The following INPP4A variants were observed in gnomAD, a reference collection of about 807,000 sequenced individuals.
INPP4A encodes the protein inositol polyphosphate-4-phosphatase type I A, also known as inositol polyphosphate-4-phosphatase, type I, 107kD.
INPP4A carries 33 observed loss-of-function variants against 119.8 expected under a neutral mutation model. The observed-to-expected ratio is 0.28, with a 90% CI of 0.21 to 0.37. The LOEUF (loss-of-function observed/expected upper bound fraction) is 0.37. Ranked by LOEUF, INPP4A falls within the 10% of genes least tolerant of loss-of-function variation. The pLI is 1.00. For synonymous variants in INPP4A, 496 were observed against 500.7 expected (o/e 0.99, Z 0.12); for missense variants, 956 against 1,289.9 (o/e 0.74, Z 3.97).
In INPP4A at chr2:98,539,113, C is replaced by T. The variant is rs1690895817; in HGVS notation, c.670+132C>T. ...TAATTGTCACCTCTCTGCTGCTTAT[C>T]ATTGTGTTCTTTTTGCAGCATATAA... On this transcript the variant is annotated intron_variant, in intron 9 of 24. Coordinates refer to ENST00000409851, the MANE Select transcript of INPP4A (RefSeq NM_001134225.2). The T allele has an allele frequency of 4.2e-5, 24 of 566,560 alleles. No homozygotes were observed. The South Asian group carries it at 6.5e-4, about 15-fold the overall frequency. 35.1% of individuals were successfully genotyped at this position (566,560 alleles called of 1,614,324 possible). A position where few individuals can be genotyped will look rare whatever the true frequency, so the allele number is the denominator to read the frequency against.
At chr2:98,563,174 C>T (rs1257199192) in intron 17 of INPP4A, among the ~76,000 whole-genome samples, 8 of 152,040 alleles carry the variant, frequency 5.3e-5, no homozygotes, top group South Asian at 2.1e-4. Flanking sequence ...TGTTTTCCTC[C>T]GAAGGCATTG....
At chr2:98,445,245 T>C (rs1318440662) in intron 1 of INPP4A, among the ~76,000 whole-genome samples, 160 bp downstream of exon 1, 1 of 152,086 alleles carries the variant, frequency 6.6e-6, no homozygotes, top group East Asian at 1.9e-4. Context: ...GTGCCAGTGG[T>C]CCACCTGCGG....
chr2:98,469,584 C>T (rs1157010439), intron 1 of INPP4A, among the ~76,000 whole-genome samples: 1 of 151,888 alleles, frequency 6.6e-6, no homozygotes, highest in Admixed American at 6.6e-5. Context: ...AGGCAGATCA[C>T]CTGAGGTCAG....
rs374707579 is a variant in INPP4A, at chr2:98,446,070, T to C, written c.-166+985T>C. On this transcript the variant is annotated intron_variant, in intron 1 of 24. Transcript: ENST00000409851. Reference sequence around the variant, plus strand: ...GTTGTGTGGACCATGGGGAAGCCAGTGGGGTTGAGGACAGAGTGGGTTGAC... The same window carrying C: ...GTTGTGTGGACCATGGGGAAGCCAGCGGGGTTGAGGACAGAGTGGGTTGAC... 2.6e-4 allele frequency among the ~76,000 whole-genome samples: 40 copies of C among 152,278 alleles called. No individual in the cohort carries two copies. The East Asian group carries it at 6.8e-3, about 26-fold the overall frequency.
At chr2:98,500,852 A>G (rs1049448999) in intron 1 of INPP4A, among the ~76,000 whole-genome samples, 1 of 152,220 alleles carries the variant, frequency 6.6e-6, no homozygotes, top group African/African-American at 2.4e-5. Context: ...AGATGGGCCT[A>G]GAAGGTTCAG....
At chr2:98,493,426 A>AT (rs371958433) in intron 1 of INPP4A, among the ~76,000 whole-genome samples, 45,321 of 123,016 alleles carry the variant, frequency 0.37, 9,163 homozygotes, top group Non-Finnish European at 0.46. Flanking sequence ...TTCTATTTCT[A>AT]TTTTTTTTTT....
chr2:98,455,209 A>G lies in INPP4A; in HGVS notation c.-166+10124A>G, dbSNP rs147045914. Among the ~76,000 whole-genome samples the G allele has an allele frequency of 3.7e-3, 566 of 152,250 alleles. 5 individuals carry two copies. Among genetic ancestry groups the G allele is most frequent in the African/African-American group, 0.013 (547 of 41,518 alleles). ...AAAAATTAGCCAGGTATAGTAGTGC[A>G]CACCTATATTCCCAGCTTCTTGGGA... On this transcript the variant is annotated intron_variant, in intron 1 of 24. Coordinates refer to ENST00000409851, the MANE Select transcript of INPP4A (RefSeq NM_001134225.2).
chr2:98,467,219 G>A (rs1674972199), intron 1 of INPP4A, among the ~76,000 whole-genome samples: 1 of 152,154 alleles, frequency 6.6e-6, no homozygotes, highest in Non-Finnish European at 1.5e-5. Flanking sequence ...CTCAAAGCGG[G>A]GGGTGGTTGG....
rs374359971 is a variant in INPP4A at position 98,554,378 on chromosome 2, G to A, written c.1455G>A (p.Ser485=). 12 of 1,613,726 alleles carry A rather than the reference G, an allele frequency of 7.4e-6. No individual in the cohort carries two copies. The highest frequency in any genetic ancestry group is 2.2e-5 in the East Asian group (1 of 44,878). Residue 485 remains serine (S), a synonymous_variant, in exon 15 of 25, where the codon TCG becomes TCA. Transcript: ENST00000409851. This position sits in a 1 kb window ranked among gnomAD's most constrained non-coding sequence, Gnocchi z 4.7. ...DYIASKASPT[S]TEEEQVMLRN... is the part of the protein sequence containing the mutation. Reference sequence around the variant, plus strand: ...TTGCCTCCAAGGCCTCTCCCACTTCGACTGAGGAGGAGCAGGTGATGCTTA... The same window carrying A: ...TTGCCTCCAAGGCCTCTCCCACTTCAACTGAGGAGGAGCAGGTGATGCTTA...
At chr2:98,561,862 C>G (rs1346985254) in intron 17 of INPP4A, among the ~76,000 whole-genome samples, 1 of 152,218 alleles carries the variant, frequency 6.6e-6, no homozygotes, top group Non-Finnish European at 1.5e-5. Context: ...GCGAGAAAAA[C>G]TTGTTTGCCT....
Position 98,554,566 on chromosome 2 carries a change from C to T in INPP4A, c.1566+77C>T. The T allele has an allele frequency of 7.7e-7, 1 of 1,304,886 alleles. No homozygotes were observed. Among genetic ancestry groups the T allele is most frequent in the South Asian group, 1.4e-5 (1 of 72,158 alleles). The allele number at this position is 1,304,886 out of a possible 1,614,324, so 80.8% of individuals were successfully genotyped here. A position where few individuals can be genotyped will look rare whatever the true frequency, so the allele number is the denominator to read the frequency against. On this transcript the variant is annotated intron_variant, in intron 15 of 24. Coordinates refer to ENST00000409851, the MANE Select transcript of INPP4A (RefSeq NM_001134225.2). This position sits in a 1 kb window ranked among gnomAD's most constrained non-coding sequence, Gnocchi z 4.7. Reference sequence around the variant, plus strand: ...CACAAAACCTGTTGCCAGTCTCTGCCCCTCTGAAGTGCCTCAAGGTTCAAC... The same window carrying T: ...CACAAAACCTGTTGCCAGTCTCTGCTCCTCTGAAGTGCCTCAAGGTTCAAC...
intron 1 of INPP4A, among the ~76,000 whole-genome samples, chr2:98,475,975 G>T (rs1402325690): frequency 6.6e-6 from 1 of 152,112 alleles, no homozygotes; most frequent in Non-Finnish European, 1.5e-5. Context: ...CCACCCACAG[G>T]TAATCCAGAT....
chr2:98,452,443 T>C (rs1051014180), intron 1 of INPP4A, among the ~76,000 whole-genome samples: 1 of 152,182 alleles, frequency 6.6e-6, no homozygotes, highest in Non-Finnish European at 1.5e-5. Flanking sequence ...CAAGGTCACA[T>C]TGGAGAACAG....
intron 1 of INPP4A, among the ~76,000 whole-genome samples, chr2:98,480,130 A>G (rs1263423454): frequency 6.6e-6 from 1 of 152,212 alleles, no homozygotes; most frequent in Non-Finnish European, 1.5e-5. Context: ...CCTCCCTGCC[A>G]GCCCCAGAGG....
At position 98,555,789 on chromosome 2, in the gene INPP4A, C is replaced by T. The variant is rs753017989; in HGVS notation, c.1803C>T (p.Cys601=). 11 of 1,564,544 alleles carry T rather than the reference C, an allele frequency of 7.0e-6. No homozygotes were observed. In the South Asian group the frequency reaches 1.1e-4, roughly 15 times the overall value. The change falls in exon 16 of 25, where the codon TGC becomes TGT. Residue 601 remains cysteine, a synonymous_variant. Transcript: ENST00000409851. ...PCPSTMPSTA[C]HPHLTTHCSP... ...CCTCCACCATGCCCTCCACTGCATG[C>T]CATCCTCATCTGACCACACGTGCGT...
chr2:98,585,903 G>T (rs1324801120), intron 24 of INPP4A, among the ~76,000 whole-genome samples: 1 of 152,174 alleles, frequency 6.6e-6, no homozygotes, highest in East Asian at 1.9e-4. Context: ...AGTGACAGGT[G>T]GTTTTTAAGC....
chr2:98,528,539 T>A (rs1688597323), intron 4 of INPP4A, among the ~76,000 whole-genome samples: 1 of 152,134 alleles, frequency 6.6e-6, no homozygotes, highest in Non-Finnish European at 1.5e-5. Flanking sequence ...AAAACATGAA[T>A]CTACATATCC....
At chr2:98,509,659 C>T (rs1361832977) in intron 1 of INPP4A, among the ~76,000 whole-genome samples, 1 of 152,110 alleles carries the variant, frequency 6.6e-6, no homozygotes, top group African/African-American at 2.4e-5. Flanking sequence ...AGATCCCCGC[C>T]CACCCCAGGC....
At position 98,539,692 on chromosome 2, in the gene INPP4A, G is replaced by T; in HGVS notation, c.818+17G>T. 2 of 1,597,468 alleles carry T rather than the reference G, an allele frequency of 1.3e-6. No individual in the cohort carries two copies. The highest frequency in any genetic ancestry group is 1.7e-6 in the Non-Finnish European group (2 of 1,173,422). Reference sequence around the variant, plus strand: ...TGCAGCCAGGTGAGGCCACATGGAAGGACTGACTGTCCATCATACCCATGT... The same window carrying T: ...TGCAGCCAGGTGAGGCCACATGGAATGACTGACTGTCCATCATACCCATGT... On this transcript the variant is annotated intron_variant, in intron 10 of 24. Coordinates refer to ENST00000409851, the MANE Select transcript of INPP4A (RefSeq NM_001134225.2).
Sources: allele counts gnomAD v4.1 joint callset (sites outside exome capture counted in the v4.1 genomes callset), GRCh38; gene constraint gnomAD v4.1.1; non-coding constraint Gnocchi (gnomAD v3.1); transcripts MANE v1.5; gene names NCBI Gene and HGNC (gene_info 2026-07-23, HGNC 2026-07-21).